PPP1R12A: variants seen among roughly 807,000 people sequenced by gnomAD.
The protein encoded by PPP1R12A is protein phosphatase 1 regulatory subunit 12A, also known as myosin binding subunit.
In PPP1R12A, 19 loss-of-function variants were observed where a neutral mutation model predicts 139.6. The ratio of observed to expected loss-of-function variants is 0.14; its 90% CI spans 0.09 to 0.20. The LOEUF (loss-of-function observed/expected upper bound fraction) is 0.20. Ranked by LOEUF, PPP1R12A falls within the 10% of genes least tolerant of loss-of-function variation. The pLI is 1.00. For synonymous variants in PPP1R12A, 427 were observed against 420.6 expected, an observed-to-expected ratio of 1.02 and a Z score of -0.19; for missense variants, 925 against 1,211.5, an observed-to-expected ratio of 0.76 and a Z score of 3.51.
At chr12:79,909,716 G>A (rs1886406814) in intron 1 of PPP1R12A, among the ~76,000 whole-genome samples, 1 of 122,670 alleles carries the variant, frequency 8.2e-6, no homozygotes, top group African/African-American at 2.9e-5. Flanking sequence ...CCTGGTGACA[G>A]AACTCCGTCT....
intron 2 of PPP1R12A, chr12:79,848,757 T>A (rs549227731): frequency 1.3e-5 from 2 of 152,110 alleles, no homozygotes; most frequent in East Asian, 3.9e-4. Flanking sequence ...TTTGAAAAAA[T>A]AATAATAAAT....
intron 2 of PPP1R12A, among the ~76,000 whole-genome samples, chr12:79,849,240 T>A (rs1879764366): frequency 6.6e-6 from 1 of 151,928 alleles, no homozygotes. Flanking sequence ...ACAAAAAAAT[T>A]AGCTGGGTGT....
chr12:79,861,040 C>T (rs771938265), intron 2 of PPP1R12A, among the ~76,000 whole-genome samples: 8 of 152,152 alleles, frequency 5.3e-5, no homozygotes, highest in Non-Finnish European at 1.2e-4. Context: ...TGATTTCGAC[C>T]TGGAAACAAT....
Position 79,820,174 on chromosome 12 carries a change from T to C in PPP1R12A, c.1114+600A>G, listed in dbSNP as rs116318265. Among the ~76,000 whole-genome samples, 792 of 152,284 alleles carry C rather than the reference T, an allele frequency of 5.2e-3. 5 individuals are homozygous for C. The highest frequency in any genetic ancestry group is 0.018 in the African/African-American group (752 of 41,562). On this transcript the variant is annotated intron_variant, in intron 8 of 24. Coordinates refer to ENST00000450142, the MANE Select transcript of PPP1R12A (RefSeq NM_002480.3). ...TTGAAGGAAGGAAAGGGAAGCAGAC[T>C]AGGGTGGGTGACCAAAAAAGACATC...
At chr12:79,862,645 C>G (rs1280303100) in intron 2 of PPP1R12A, among the ~76,000 whole-genome samples, 1 of 152,126 alleles carries the variant, frequency 6.6e-6, no homozygotes, top group Non-Finnish European at 1.5e-5. Context: ...AGCTGAAAAC[C>G]ACAGTACGAG....
intron 1 of PPP1R12A, among the ~76,000 whole-genome samples, chr12:79,934,124 C>G (rs1182103036): frequency 2.0e-4 from 31 of 152,074 alleles, no homozygotes; most frequent in Admixed American, 2.0e-3. Context: ...CCCCAGTGAC[C>G]AAGAGTAATA....
At chr12:79,888,872 A>T (rs1362112642) in intron 1 of PPP1R12A, among the ~76,000 whole-genome samples, 1 of 152,194 alleles carries the variant, frequency 6.6e-6, no homozygotes, top group Non-Finnish European at 1.5e-5. Context: ...CAGCAGCAAA[A>T]GGTAAAATAA....
At chr12:79,864,902 G>A (rs1299999913) in intron 2 of PPP1R12A, among the ~76,000 whole-genome samples, 1 of 152,134 alleles carries the variant, frequency 6.6e-6, no homozygotes, top group East Asian at 1.9e-4. Context: ...AAGAAGAGCT[G>A]GTACCATTCC....
At position 79,797,491 on chromosome 12, in the gene PPP1R12A, A is replaced by G. The variant is rs908867064; in HGVS notation, c.2092-96T>C. On this transcript the variant is annotated intron_variant, in intron 15 of 24. Transcript: ENST00000450142. ...AGATATATTACATACAAATGCATTA[A>G]AAGTCAAATATGCATGTTTAAAATT... The G allele has an allele frequency of 3.5e-6, 4 of 1,149,506 alleles. No homozygotes were observed. In the East Asian group the frequency reaches 1.0e-4, roughly 30 times the overall value. 71.2% of individuals were successfully genotyped at this position (1,149,506 alleles called of 1,614,324 possible).
intron 1 of PPP1R12A, among the ~76,000 whole-genome samples, chr12:79,879,046 A>G (rs900268992): frequency 1.3e-5 from 2 of 152,122 alleles, no homozygotes; most frequent in African/African-American, 4.8e-5. Flanking sequence ...AAAATTCAAG[A>G]AGTTCTTTCT....
intron 3 of PPP1R12A, among the ~76,000 whole-genome samples, chr12:79,840,499 C>A (rs185850070): frequency 9.3e-4 from 142 of 152,166 alleles, no homozygotes; most frequent in African/African-American, 3.0e-3. Context: ...GTACTACAAA[C>A]CCAATATATA....
rs543672387 is a variant in PPP1R12A at position 79,935,020 on chromosome 12, G to A, written c.-89C>T. 2.0e-3 allele frequency: 2,887 copies of A among 1,467,976 alleles called. 7 individuals carry two copies. The highest frequency in any genetic ancestry group is 4.0e-3 in the Middle Eastern group (20 of 4,978). 90.9% of individuals were successfully genotyped at this position (1,467,976 alleles called of 1,614,324 possible). A position where few individuals can be genotyped will look rare whatever the true frequency, so the allele number is the denominator to read the frequency against. ...GAGGGGAGGCAGGGGGTGTGTGAAT[G>A]TTTCTATGAGTGCGGGCCAGAGGAG... On this transcript the variant is annotated 5_prime_UTR_variant, in exon 1 of 25. Coordinates refer to ENST00000450142, the MANE Select transcript of PPP1R12A (RefSeq NM_002480.3).
intron 1 of PPP1R12A, among the ~76,000 whole-genome samples, chr12:79,923,961 T>C (rs1887639219): frequency 6.6e-6 from 1 of 152,056 alleles, no homozygotes; most frequent in Admixed American, 6.6e-5. Context: ...GGAGAATCAC[T>C]TGAACCTGGG....
chr12:79,778,250 T>TA, intron 24 of PPP1R12A: 1 of 190,128 alleles, frequency 5.3e-6, no homozygotes, highest in South Asian at 1.9e-4. Flanking sequence ...TATTATTGTC[T>TA]AACTTTTTCT....
intron 2 of PPP1R12A, among the ~76,000 whole-genome samples, chr12:79,858,681 A>C (rs1257425738): frequency 1.3e-5 from 2 of 152,202 alleles, no homozygotes; most frequent in African/African-American, 4.8e-5. Flanking sequence ...AAAGCACCAA[A>C]AATAACAGCA....
intron 1 of PPP1R12A, among the ~76,000 whole-genome samples, chr12:79,916,096 T>C (rs1041380077): frequency 6.6e-6 from 1 of 151,814 alleles, no homozygotes; most frequent in Non-Finnish European, 1.5e-5. Context: ...TGTTTAATAG[T>C]GGATATTAGA....
In PPP1R12A at chr12:79,796,833, C is replaced by T; in HGVS notation, c.2410G>A (p.Val804Ile). The T allele has an allele frequency of 1.2e-6, 2 of 1,611,916 alleles. No homozygotes were observed. Among genetic ancestry groups the T allele is most frequent in the African/African-American group, 1.3e-5 (1 of 74,940 alleles). ...CTGGAGTAAGCAGAAGTTATGCCTA[C>T]AAGACTATTTGGCCTGTTTAGTTGA... The part of the protein sequence containing the change: ...SSQLNRPNSL[V>I]GITSAYSRGI... The change falls in exon 17 of 25, where the codon GTA becomes ATA. Residue 804 changes from valine (V) to isoleucine (I), a missense_variant. Physicochemically the swap from Val to Ile is conservative, Grantham distance 29. Transcript: ENST00000450142.
chr12:79,798,431 G>A (rs1038275187), intron 15 of PPP1R12A, 63 bp downstream of exon 15: 4 of 1,037,812 alleles, frequency 3.9e-6, no homozygotes, highest in Non-Finnish European at 4.1e-6. Context: ...TTATGTCAGT[G>A]TGTGTATATA....
chr12:79,912,912 A>T (rs979951181), intron 1 of PPP1R12A, among the ~76,000 whole-genome samples: 2 of 152,196 alleles, frequency 1.3e-5, no homozygotes, highest in African/African-American at 4.8e-5. Flanking sequence ...CAAGCAAGAG[A>T]TAAACAAATT....
Sources: allele counts gnomAD v4.1 joint callset (sites outside exome capture counted in the v4.1 genomes callset), GRCh38; gene constraint gnomAD v4.1.1; transcripts MANE v1.5; gene names NCBI Gene and HGNC (gene_info 2026-07-23, HGNC 2026-07-21).